Variants in ACSL1 observed in about 807,000 individuals in gnomAD.
The protein encoded by ACSL1 is long-chain-fatty-acid--CoA ligase 1.
In ACSL1, 41 loss-of-function variants were observed where a neutral mutation model predicts 98.4. The observed-to-expected ratio is 0.42, with a 90% CI of 0.32 to 0.54. ACSL1 has a LOEUF of 0.54. Among genes scored for constraint, ACSL1 ranks in the 20% least tolerant of loss-of-function variants. The pLI, the probability that ACSL1 is intolerant of heterozygous loss-of-function variation, is 0.13. For missense variants in ACSL1, 734 were observed against 883.1 expected (o/e 0.83, Z 2.14); for synonymous variants, 316 against 322.7 (o/e 0.98, Z 0.22).
rs1451630710 is a variant in ACSL1 at position 184,776,682 on chromosome 4, A to C, written c.578-20T>G. The C allele has an allele frequency of 3.7e-6, 6 of 1,603,398 alleles. No homozygotes were observed. Among genetic ancestry groups the C allele is most frequent in the Non-Finnish European group, 5.1e-6 (6 of 1,177,236 alleles). On this transcript the variant is annotated intron_variant, in intron 6 of 20. Transcript: ENST00000281455. ...GTTCAGCTGTAAATGAAGAGATACA[A>C]TGAAGAATAAGCTCTGGGATGTTAA...
intron 12 of ACSL1, among the ~76,000 whole-genome samples, chr4:184,767,248 C>T: frequency 6.9e-6 from 1 of 144,222 alleles, no homozygotes; most frequent in East Asian, 2.0e-4. Context: ...CACCACTGCA[C>T]TCTAGCCTGG....
chr4:184,764,461 C>T (rs1451294381), intron 15 of ACSL1, among the ~76,000 whole-genome samples: 2 of 152,198 alleles, frequency 1.3e-5, no homozygotes, highest in Non-Finnish European at 2.9e-5. Context: ...ACACCTAGCA[C>T]AGCACACAGT....
chr4:184,762,148 A>C (rs1020484325), intron 17 of ACSL1, among the ~76,000 whole-genome samples: 6 of 151,798 alleles, frequency 4.0e-5, no homozygotes, highest in Admixed American at 1.3e-4. Flanking sequence ...AAAAAACCCC[A>C]AAAACACAAC....
intron 1 of ACSL1, among the ~76,000 whole-genome samples, chr4:184,817,443 T>A (rs1039394183): frequency 6.6e-6 from 1 of 152,162 alleles, no homozygotes; most frequent in Non-Finnish European, 1.5e-5. Flanking sequence ...TCTATTCTAT[T>A]CTACAATCTA....
At chr4:184,784,213 G>A (rs747837375) in intron 3 of ACSL1, among the ~76,000 whole-genome samples, 18 of 152,106 alleles carry the variant, frequency 1.2e-4, no homozygotes, top group Admixed American at 8.5e-4. Flanking sequence ...GGGCAGGAGA[G>A]GGGGACAGAG....
rs1412680031 is a variant in ACSL1 at position 184,773,603 on chromosome 4, T to C, written c.841+60A>G. 4.0e-6 allele frequency: 6 copies of C among 1,490,288 alleles called. No homozygotes were observed. Among genetic ancestry groups the C allele is most frequent in the African/African-American group, 1.4e-5 (1 of 70,624 alleles). The allele number at this position is 1,490,288 out of a possible 1,614,324, so 92.3% of individuals were successfully genotyped here. ...TAGCTGATAAGTCATCCAAAAGAGG[T>C]AGGGGAGAGTCCAGACCAATGGCTG... On this transcript the variant is annotated intron_variant, in intron 9 of 20. Transcript: ENST00000281455. This position sits in a 1 kb window ranked among gnomAD's most constrained non-coding sequence, Gnocchi z 4.3.
At chr4:184,783,776 AG>A (rs1766726630) in intron 4 of ACSL1, 150 bp downstream of exon 4, 1 of 741,206 alleles carries the variant, frequency 1.3e-6, no homozygotes. Context: ...CTTTGTGTCA[AG>A]TTTCTCCTTG....
intron 1 of ACSL1, among the ~76,000 whole-genome samples, chr4:184,816,677 G>C (rs994139641): frequency 5.3e-5 from 8 of 152,102 alleles, no homozygotes; most frequent in African/African-American, 1.7e-4. Context: ...TTCAGCTTCA[G>C]TAATGATCAA....
At chr4:184,811,795 G>A (rs182117392) in intron 1 of ACSL1, among the ~76,000 whole-genome samples, 1 of 152,130 alleles carries the variant, frequency 6.6e-6, no homozygotes, top group Non-Finnish European at 1.5e-5. Context: ...ACTTAAAAAT[G>A]ATTAGCATGA....
Position 184,760,519 on chromosome 4 carries a change from G to A in ACSL1, c.1639-19C>T. ...TGCCATTCTGTTGATCAGAGGGGAG[G>A]GGGTTATGAATGGGCTGATGGCTGG... On this transcript the variant is annotated intron_variant, in intron 17 of 20. Coordinates refer to ENST00000281455, the MANE Select transcript of ACSL1 (RefSeq NM_001995.5). 1.9e-6 allele frequency: 3 copies of A among 1,613,648 alleles called. No individual in the cohort carries two copies. Among genetic ancestry groups the A allele is most frequent in the East Asian group, 2.2e-5 (1 of 44,890 alleles).
chr4:184,792,970 T>C (rs572637900), intron 2 of ACSL1, among the ~76,000 whole-genome samples: 8 of 152,090 alleles, frequency 5.3e-5, no homozygotes, highest in South Asian at 2.1e-4. Flanking sequence ...CCTATTTAAA[T>C]GAAAAATAGC....
chr4:184,821,798 C>G (rs139367862), intron 1 of ACSL1, among the ~76,000 whole-genome samples: 1 of 152,110 alleles, frequency 6.6e-6, no homozygotes, highest in African/African-American at 2.4e-5. Flanking sequence ...TGTAAAAAAG[C>G]CCACAATATA....
At position 184,805,595 on chromosome 4, in the gene ACSL1, T is replaced by C. The variant is rs1321845940; in HGVS notation, c.-32-2049A>G. On this transcript the variant is annotated intron_variant, in intron 1 of 20. Transcript: ENST00000281455. ...CAGACACAGAAGAGGGCAATGAGCCTGGAAGTGGGCGGGGGTTAGCAGGGC... is the reference window on the plus strand; with the variant it reads ...CAGACACAGAAGAGGGCAATGAGCCCGGAAGTGGGCGGGGGTTAGCAGGGC... The C allele has an allele frequency of 9.0e-6, 8 of 885,936 alleles. No homozygotes were observed. In the East Asian group the frequency reaches 8.4e-4, roughly 93 times the overall value. The allele number at this position is 885,936 out of a possible 1,614,324, so 54.9% of individuals were successfully genotyped here. A position where few individuals can be genotyped will look rare whatever the true frequency, so the allele number is the denominator to read the frequency against.
At chr4:184,826,079 T>C (rs1370766627), upstream of ACSL1, 2 of 118,308 alleles carry the variant, frequency 1.7e-5, no homozygotes, top group African/African-American at 5.6e-5. Flanking sequence ...GCTGGTGCGC[T>C]CGCCGCGCCG....
chr4:184,824,695 G>A (rs760120254), intron 1 of ACSL1, among the ~76,000 whole-genome samples: 3 of 152,260 alleles, frequency 2.0e-5, no homozygotes, highest in Non-Finnish European at 2.9e-5. Flanking sequence ...ATATCACACT[G>A]CACTGTCTGG....
chr4:184,760,710 G>A (rs530378829), intron 17 of ACSL1, among the ~76,000 whole-genome samples: 28 of 152,332 alleles, frequency 1.8e-4, no homozygotes, highest in African/African-American at 6.5e-4. Context: ...TTGGCCAAGT[G>A]CAGAGACAGA....
At chr4:184,826,207 T>C (rs945046248), upstream of ACSL1, 4 of 150,020 alleles carry the variant, frequency 2.7e-5, no homozygotes, top group African/African-American at 9.7e-5. Flanking sequence ...TGGCCGGCGG[T>C]CGAGAGGCTG....
chr4:184,808,680 G>T, intron 1 of ACSL1: 1 of 174,874 alleles, frequency 5.7e-6, no homozygotes, highest in Non-Finnish European at 1.1e-5. Flanking sequence ...CTCTTTCAAA[G>T]CACCACTCCA....
chr4:184,784,335 T>C (rs976318592), intron 3 of ACSL1, among the ~76,000 whole-genome samples: 2 of 152,168 alleles, frequency 1.3e-5, no homozygotes, highest in Non-Finnish European at 2.9e-5. Context: ...GAACCTGCTG[T>C]AGTGGTAAAC....
Sources: allele counts gnomAD v4.1 joint callset (sites outside exome capture counted in the v4.1 genomes callset), GRCh38; gene constraint gnomAD v4.1.1; non-coding constraint Gnocchi (gnomAD v3.1); transcripts MANE v1.5; gene names NCBI Gene and HGNC (gene_info 2026-07-23, HGNC 2026-07-21).